CASK: variants seen among roughly 807,000 people sequenced by gnomAD.
CASK encodes calcium/calmodulin dependent serine protein kinase.
In CASK, 4 loss-of-function variants were observed where a neutral mutation model predicts 82.9. That is an observed-to-expected ratio of 0.05 (90% CI 0.02 to 0.11). CASK has a LOEUF of 0.11. CASK is among the 10% of genes least tolerant of loss of function. The pLI, the probability that CASK is intolerant of heterozygous loss-of-function variation, is 1.00. For synonymous variants in CASK, 259 were observed against 253.5 expected, an observed-to-expected ratio of 1.02 and a Z score of -0.20; for missense variants, 358 against 720.9, an observed-to-expected ratio of 0.50 and a Z score of 5.76.
intron 21 of CASK, among the ~76,000 whole-genome samples, chrX:41,550,818 G>C (rs2065086703): frequency 9.0e-6 from 1 of 110,811 alleles, no homozygotes; most frequent in Non-Finnish European, 1.9e-5. Context: ...GGCTGAGGTG[G>C]GTGGATTGCT....
chrX:41,623,649 T>G (rs1251355329), intron 10 of CASK, among the ~76,000 whole-genome samples: 3 of 111,282 alleles, frequency 2.7e-5, no homozygotes, highest in African/African-American at 9.8e-5. Flanking sequence ...TGACCTCAAG[T>G]GATCCACCCA....
chrX:41,518,262 T>G lies in CASK; in HGVS notation c.*2158A>C. On this transcript the variant is annotated 3_prime_UTR_variant, in exon 27 of 27. Coordinates refer to ENST00000378163, the MANE Select transcript of CASK (RefSeq NM_001367721.1). ...TGTTAGTTGTAGTTGTCTTTGTGCT[T>G]CACCAGAAAAGAGGTAGAGTGCGCA... is the stretch of plus-strand genomic sequence containing the variant. 8.2e-6 allele frequency: 1 copy of G among 122,539 alleles called. No homozygotes were observed. Among genetic ancestry groups the G allele is most frequent in the Middle Eastern group, 4.1e-3 (1 of 242 alleles). The allele number at this position is 122,539 out of a possible 1,213,427, so 10.1% of individuals were successfully genotyped here.
rs2072636691 is a variant in CASK, at chrX:41,914,473, G to A, written c.59+8457C>T. Reference sequence around the variant, plus strand: ...ATCGTTTCTTATTGTGAATGGATGTGGACAACCAAAAATAGCCAATGAACA... The same window carrying A: ...ATCGTTTCTTATTGTGAATGGATGTAGACAACCAAAAATAGCCAATGAACA... On this transcript the variant is annotated intron_variant, in intron 1 of 26. Transcript: ENST00000378163. Among the ~76,000 whole-genome samples the A allele has an allele frequency of 2.7e-5, 3 of 112,212 alleles. No homozygotes were observed. In the South Asian group the frequency reaches 1.1e-3, roughly 41 times the overall value.
intron 2 of CASK, among the ~76,000 whole-genome samples, chrX:41,799,814 C>A (rs1473210856): frequency 9.7e-6 from 1 of 102,872 alleles, no homozygotes; most frequent in Non-Finnish European, 2.0e-5. Flanking sequence ...CCCCCCACAG[C>A]TCTGTTTTGC....
At chrX:41,639,589 C>G (rs952782796) in intron 8 of CASK, among the ~76,000 whole-genome samples, 1 of 110,967 alleles carries the variant, frequency 9.0e-6, no homozygotes, top group Non-Finnish European at 1.9e-5. Flanking sequence ...CTCCAAAAAG[C>G]TTTTCTGAGG....
intron 1 of CASK, among the ~76,000 whole-genome samples, chrX:41,918,967 T>C (rs2072738566): frequency 8.9e-6 from 1 of 112,066 alleles, no homozygotes; most frequent in Non-Finnish European, 1.9e-5. Context: ...CCCGGATGAT[T>C]CTAATATGCA....
At chrX:41,688,175 C>T (rs1314305364) in intron 5 of CASK, among the ~76,000 whole-genome samples, 1 of 110,275 alleles carries the variant, frequency 9.1e-6, no homozygotes, top group Admixed American at 9.8e-5. Flanking sequence ...ATATTTATAA[C>T]AAACAAAAAG....
intron 1 of CASK, among the ~76,000 whole-genome samples, chrX:41,865,678 T>C (rs1432259540): frequency 9.0e-6 from 1 of 111,505 alleles, no homozygotes; most frequent in Non-Finnish European, 1.9e-5. Context: ...GGATCTTCTA[T>C]TTTAGCAGGG....
chrX:41,656,609 G>C (rs2066944559), intron 8 of CASK, among the ~76,000 whole-genome samples: 1 of 110,990 alleles, frequency 9.0e-6, no homozygotes, highest in Non-Finnish European at 1.9e-5. Flanking sequence ...AACAGGGGGA[G>C]ATGAAAGCAG....
chrX:41,890,816 A>C (rs746097143), intron 1 of CASK, among the ~76,000 whole-genome samples: 3 of 111,475 alleles, frequency 2.7e-5, no homozygotes, highest in Non-Finnish European at 5.7e-5. Context: ...TAAGTTGTCT[A>C]CATACCAAGA....
chrX:41,531,755 A>G (rs191353082), intron 24 of CASK, among the ~76,000 whole-genome samples: 2 of 111,967 alleles, frequency 1.8e-5, no homozygotes, highest in Non-Finnish European at 1.9e-5. Context: ...AGAAAGTTCT[A>G]TTGAAAAGTG....
chrX:41,923,066 C>G lies in CASK; in HGVS notation c.-78G>C, dbSNP rs1400743380. Reference sequence around the variant, plus strand: ...GGGCGCCCAAGAGCTCAGTGCCCAGCCCCGGGATCGCCTCCTCCCCTCAGG... The same window carrying G: ...GGGCGCCCAAGAGCTCAGTGCCCAGGCCCGGGATCGCCTCCTCCCCTCAGG... On this transcript the variant is annotated 5_prime_UTR_variant, in exon 1 of 27. Transcript: ENST00000378163. 2 of 950,510 alleles carry G rather than the reference C, an allele frequency of 2.1e-6. No homozygotes were observed. The highest frequency in any genetic ancestry group is 2.3e-5 in the Admixed American group (1 of 44,163). 78.3% of individuals were successfully genotyped at this position (950,510 alleles called of 1,213,427 possible).
rs2067015915 is a variant in CASK at position 41,660,521 on chromosome X, T to C, written c.749A>G (p.Lys250Arg). 1 of 1,205,425 alleles carries C rather than the reference T, an allele frequency of 8.3e-7. No individual in the cohort carries two copies. The highest frequency in any genetic ancestry group is 1.1e-6 in the Non-Finnish European group (1 of 890,834). Residue 250 changes from lysine (K) to arginine (R), a missense_variant, in exon 8 of 27, where the codon AAA (lysine) becomes AGA (arginine). By Grantham distance (26) the Lys-to-Arg change is conservative. Coordinates refer to ENST00000378163, the MANE Select transcript of CASK (RefSeq NM_001367721.1). The part of the protein sequence containing the change: ...RQWSHISESA[K>R]DLVRRMLMLD... ...CATCAGCATGCGACGTACTAGGTCTTTGGCACTTTCAGAGATATGGCTCCA... is the reference window on the plus strand; with the variant it reads ...CATCAGCATGCGACGTACTAGGTCTCTGGCACTTTCAGAGATATGGCTCCA...
chrX:41,643,063 T>C (rs767500344), intron 8 of CASK, among the ~76,000 whole-genome samples: 1 of 111,777 alleles, frequency 8.9e-6, no homozygotes, highest in East Asian at 2.8e-4. Context: ...GTTGTAGTTG[T>C]GTGGTATTAT....
Position 41,614,889 on chromosome X carries a change from G to A in CASK, c.1034-4864C>T, listed in dbSNP as rs187859263. Among the ~76,000 whole-genome samples, 252 of 110,760 alleles carry A rather than the reference G, an allele frequency of 2.3e-3. 3 individuals are homozygous for A. Among genetic ancestry groups the A allele is most frequent in the African/African-American group, 8.1e-3 (246 of 30,399 alleles). On this transcript the variant is annotated intron_variant, in intron 11 of 26. Transcript: ENST00000378163. ...GTTGGAGTGCAGTGGCACAATCTCG[G>A]CTCACTGCAACCTCGACCTCCTGTG...
chrX:41,739,407 T>C lies in CASK; in HGVS notation c.406A>G (p.Asn136Asp). Residue 136 changes from asparagine (N) to aspartate (D), a missense_variant, in exon 5 of 27, where the codon AAC becomes GAC. Coordinates refer to ENST00000378163, the MANE Select transcript of CASK (RefSeq NM_001367721.1). ...LEALRYCHDNNIIHRDVKPHC... is the reference protein window; with the variant it reads ...LEALRYCHDNDIIHRDVKPHC... The stretch of plus-strand genomic sequence containing the variant: ...ACCTTCACATCCCTGTGAATTATGT[T>C]ATTATCATGGCAGTAGCGTAGAGCT... The C allele has an allele frequency of 8.5e-7, 1 of 1,182,048 alleles. No individual in the cohort carries two copies. The highest frequency in any genetic ancestry group is 3.0e-5 in the East Asian group (1 of 33,667).
chrX:41,721,473 T>C (rs1569418398), intron 5 of CASK, among the ~76,000 whole-genome samples: 1 of 111,374 alleles, frequency 9.0e-6, no homozygotes, highest in Non-Finnish European at 1.9e-5. Flanking sequence ...ATTTCTTCCA[T>C]GGTCAGTTTC....
intron 1 of CASK, among the ~76,000 whole-genome samples, chrX:41,854,224 G>GCGCGCGCGCACA (rs1367817089): frequency 1.8e-4 from 15 of 81,712 alleles, no homozygotes; most frequent in African/African-American, 6.9e-4. Context: ...GCGGGCGCGC[G>GCGCGCGCGCACA]CACACACACA....
chrX:41,642,183 G>A (rs2066669836), intron 8 of CASK, among the ~76,000 whole-genome samples: 1 of 111,165 alleles, frequency 9.0e-6, no homozygotes. Flanking sequence ...CTTTGCTATT[G>A]TGAATAGTGC....
Sources: allele counts gnomAD v4.1 joint callset (sites outside exome capture counted in the v4.1 genomes callset), GRCh38; gene constraint gnomAD v4.1.1; transcripts MANE v1.5; gene names NCBI Gene and HGNC (gene_info 2026-07-23, HGNC 2026-07-21).